Variants in HTR6 observed in about 807,000 individuals in gnomAD.
HTR6 encodes the protein 5-hydroxytryptamine (serotonin) receptor 6, G protein-coupled.
In HTR6, 15 loss-of-function variants were observed where a neutral mutation model predicts 17.4. That is an observed-to-expected ratio of 0.86 (90% CI 0.58 to 1.33). HTR6 has a LOEUF of 1.33. HTR6 is among the 40% of genes most tolerant of loss of function. The pLI is 0.00. For missense variants in HTR6, 578 were observed against 616.0 expected (o/e 0.94, Z 0.65); for synonymous variants, 326 against 295.5 (o/e 1.10, Z -1.06).
rs1465886407 is a variant in HTR6, at chr1:19,680,810, G to T, written c.*1442G>T. 6.6e-6 allele frequency among the ~76,000 whole-genome samples: 1 copy of T among 152,184 alleles called. No homozygotes were observed. The highest frequency in any genetic ancestry group is 1.5e-5 in the Non-Finnish European group (1 of 68,024). Reference sequence around the variant, plus strand: ...CAAGTTCCATCAACACAAACTCCCAGGGGGTCCTCCATGCCTGGCCTGGCC... The same window carrying T: ...CAAGTTCCATCAACACAAACTCCCATGGGGTCCTCCATGCCTGGCCTGGCC... On this transcript the variant is annotated 3_prime_UTR_variant, in exon 3 of 3. Transcript: ENST00000289753.
At position 19,679,702 on chromosome 1, in the gene HTR6, C is replaced by G. The variant is rs1022945300; in HGVS notation, c.*334C>G. 9.9e-6 allele frequency: 3 copies of G among 304,534 alleles called. No individual in the cohort carries two copies. Among genetic ancestry groups the G allele is most frequent in the African/African-American group, 6.5e-5 (3 of 46,436 alleles). 18.9% of individuals were successfully genotyped at this position (304,534 alleles called of 1,614,324 possible). A position where few individuals can be genotyped will look rare whatever the true frequency, so the allele number is the denominator to read the frequency against. ...CAATCATGACCTTTGCCCATTCTGTCAGGCTGGACGGGAGGGAATGCCCCC... is the reference window on the plus strand; with the variant it reads ...CAATCATGACCTTTGCCCATTCTGTGAGGCTGGACGGGAGGGAATGCCCCC... On this transcript the variant is annotated 3_prime_UTR_variant, in exon 3 of 3. Transcript: ENST00000289753. The surrounding 1 kb of genome is among the most constrained non-coding windows in gnomAD (Gnocchi z 4.9).
rs1404210166 is a variant in HTR6 at position 19,666,751 on chromosome 1, T to C, written c.714+284T>C. ...TTTGCCTCCCTGGTCTTCCCCATCA[T>C]GGCAAATGGCACCATTGCGGCATCA... On this transcript the variant is annotated intron_variant, in intron 1 of 2. Transcript: ENST00000289753. The surrounding 1 kb of genome is among the most constrained non-coding windows in gnomAD (Gnocchi z 4.5). Among the ~76,000 whole-genome samples the C allele has an allele frequency of 6.6e-6, 1 of 152,044 alleles. No individual in the cohort carries two copies. The highest frequency in any genetic ancestry group is 1.5e-5 in the Non-Finnish European group (1 of 67,996).
Position 19,679,492 on chromosome 1 carries a change from G to A in HTR6, c.*124G>A. 1 of 1,379,814 alleles carries A rather than the reference G, an allele frequency of 7.2e-7. No individual in the cohort carries two copies. The allele number at this position is 1,379,814 out of a possible 1,614,324, so 85.5% of individuals were successfully genotyped here. A position where few individuals can be genotyped will look rare whatever the true frequency, so the allele number is the denominator to read the frequency against. ...TCCTAGAAGCCCTCTGAGCTCCAGA[G>A]GGGTGCGCAGAGCTGACCCCCTGCT... On this transcript the variant is annotated 3_prime_UTR_variant, in exon 3 of 3. Transcript: ENST00000289753. The surrounding 1 kb of genome is among the most constrained non-coding windows in gnomAD (Gnocchi z 4.9).
intron 1 of HTR6, among the ~76,000 whole-genome samples, chr1:19,670,938 G>GTGTCATGATCC (rs1553119969): frequency 6.6e-6 from 1 of 152,152 alleles, no homozygotes; most frequent in African/African-American, 2.4e-5. Flanking sequence ...CACTTCTTGA[G>GTGTCATGATCC]TGTCATGATC....
Position 19,679,472 on chromosome 1 carries a change from G to A in HTR6, c.*104G>A. 2 of 1,427,848 alleles carry A rather than the reference G, an allele frequency of 1.4e-6. No individual in the cohort carries two copies. The highest frequency in any genetic ancestry group is 1.8e-6 in the Non-Finnish European group (2 of 1,090,148). 88.4% of individuals were successfully genotyped at this position (1,427,848 alleles called of 1,614,324 possible). On this transcript the variant is annotated 3_prime_UTR_variant, in exon 3 of 3. Coordinates refer to ENST00000289753, the MANE Select transcript of HTR6 (RefSeq NM_000871.3). This position sits in a 1 kb window ranked among gnomAD's most constrained non-coding sequence, Gnocchi z 4.9. ...AGACCAGGAGGCTGCAAGTCTCCTAGAAGCCCTCTGAGCTCCAGAGGGGTG... is the reference window on the plus strand; with the variant it reads ...AGACCAGGAGGCTGCAAGTCTCCTAAAAGCCCTCTGAGCTCCAGAGGGGTG...
In HTR6 at chr1:19,665,882, C is replaced by T; in HGVS notation, c.129C>T (p.Ala43=). ...TGGTCATCGCGCTGACGGCGGCGGC[C>T]AACTCGCTGCTGATCGCGCTCATCT... The part of the protein sequence containing the change: ...LCVVIALTAA[A]NSLLIALICT... The change falls in exon 1 of 3, where the codon GCC becomes GCT. Residue 43 remains alanine (A), a synonymous_variant. Transcript: ENST00000289753. The surrounding 1 kb of genome is among the most constrained non-coding windows in gnomAD (Gnocchi z 4.2). The T allele has an allele frequency of 6.2e-7, 1 of 1,608,024 alleles. No homozygotes were observed. Among genetic ancestry groups the T allele is most frequent in the East Asian group, 2.2e-5 (1 of 44,586 alleles).
chr1:19,667,274 G>A (rs1264417948), intron 1 of HTR6, among the ~76,000 whole-genome samples: 1 of 152,016 alleles, frequency 6.6e-6, no homozygotes, highest in East Asian at 1.9e-4. Flanking sequence ...CTATCTGCAG[G>A]CCCATCTGCA....
chr1:19,678,196 T>C (rs2095096688), intron 1 of HTR6, among the ~76,000 whole-genome samples: 1 of 152,210 alleles, frequency 6.6e-6, no homozygotes, highest in Non-Finnish European at 1.5e-5. Flanking sequence ...TCACTGCACT[T>C]CCTAGAGCTC....
chr1:19,671,749 GT>G (rs1256557700), intron 1 of HTR6, among the ~76,000 whole-genome samples: 1 of 152,200 alleles, frequency 6.6e-6, no homozygotes, highest in Non-Finnish European at 1.5e-5. Flanking sequence ...TTCCTCTGGG[GT>G]CAGAACATGG....
chr1:19,679,195 G>GCGGACT lies in HTR6; in HGVS notation c.1151_1152insGGACTC (p.Ala384_Gly385insAspSer), dbSNP rs2095098443. 5.1e-6 allele frequency: 8 copies of GCGGACT among 1,574,776 alleles called. No individual in the cohort carries two copies. Among genetic ancestry groups the GCGGACT allele is most frequent in the Non-Finnish European group, 6.9e-6 (8 of 1,162,998 alleles). On this transcript the variant is annotated inframe_insertion, in exon 3 of 3. Transcript: ENST00000289753. The surrounding 1 kb of genome is among the most constrained non-coding windows in gnomAD (Gnocchi z 4.9). ...GCCGGACTCAGATTCGGACTCAGAC[G>GCGGACT]CAGGCTCAGGCGGCTCCTCGGGCCT...
intron 1 of HTR6, among the ~76,000 whole-genome samples, chr1:19,672,280 C>T (rs1012045589): frequency 6.6e-6 from 1 of 152,068 alleles, no homozygotes; most frequent in Non-Finnish European, 1.5e-5. Context: ...TCTTCCCCTC[C>T]CCCTTCTCCT....
chr1:19,666,188 C>T lies in HTR6; in HGVS notation c.435C>T (p.Ala145=). 1 of 1,610,466 alleles carries T rather than the reference C, an allele frequency of 6.2e-7. No individual in the cohort carries two copies. Among genetic ancestry groups the T allele is most frequent in the Non-Finnish European group, 8.5e-7 (1 of 1,179,838 alleles). The change falls in exon 1 of 3, where the codon GCC becomes GCT. Residue 145 remains alanine (A), a synonymous_variant. Coordinates refer to ENST00000289753, the MANE Select transcript of HTR6 (RefSeq NM_000871.3). This position sits in a 1 kb window ranked among gnomAD's most constrained non-coding sequence, Gnocchi z 4.5. The stretch of plus-strand genomic sequence containing the variant: ...GCATGACGCCCCTGCGTGCCCTGGC[C>T]CTAGTCCTGGGCGCCTGGAGCCTCG... ...KLRMTPLRAL[A]LVLGAWSLAA...
At chr1:19,674,043 T>G (rs1021997235) in intron 1 of HTR6, among the ~76,000 whole-genome samples, 2 of 152,056 alleles carry the variant, frequency 1.3e-5, no homozygotes, top group Non-Finnish European at 2.9e-5. Flanking sequence ...AATTTTTGTA[T>G]TTTTTGTAGA....
intron 1 of HTR6, among the ~76,000 whole-genome samples, chr1:19,678,222 G>A (rs2095096719): frequency 6.6e-6 from 1 of 151,988 alleles, no homozygotes; most frequent in African/African-American, 2.4e-5. Context: ...GAAATTCTGG[G>A]TCAGGGTCAG....
At chr1:19,671,513 C>T (rs1432767517) in intron 1 of HTR6, among the ~76,000 whole-genome samples, 5 of 152,186 alleles carry the variant, frequency 3.3e-5, no homozygotes, top group African/African-American at 9.7e-5. Context: ...TTGCATTGGC[C>T]CTCCTGGGTC....
rs559790614 is a variant in HTR6 at position 19,672,048 on chromosome 1, T to C, written c.714+5581T>C. Among the ~76,000 whole-genome samples the C allele has an allele frequency of 4.0e-5, 6 of 151,870 alleles. No homozygotes were observed. In the South Asian group the frequency reaches 6.3e-4, roughly 16 times the overall value. ...GTGGCACTGAGCCATCCTTGGGAGA[T>C]TGTGGAGGGTCCAGGGTGTTAGGGG... On this transcript the variant is annotated intron_variant, in intron 1 of 2. Transcript: ENST00000289753.
rs141590394 is a variant in HTR6 at position 19,680,357 on chromosome 1, G to T, written c.*989G>T. On this transcript the variant is annotated 3_prime_UTR_variant, in exon 3 of 3. Transcript: ENST00000289753. ...CCTAGCCTCCCAAAGCCTGACTCTGGTTCCCCAACTCCCTGTTCTGGCTCC... is the reference window on the plus strand; with the variant it reads ...CCTAGCCTCCCAAAGCCTGACTCTGTTTCCCCAACTCCCTGTTCTGGCTCC... Among the ~76,000 whole-genome samples, 2 of 152,102 alleles carry T rather than the reference G, an allele frequency of 1.3e-5. No homozygotes were observed. The highest frequency in any genetic ancestry group is 2.9e-5 in the Non-Finnish European group (2 of 68,020).
At chr1:19,673,454 A>G (rs1183456807) in intron 1 of HTR6, among the ~76,000 whole-genome samples, 1 of 152,224 alleles carries the variant, frequency 6.6e-6, no homozygotes, top group Non-Finnish European at 1.5e-5. Flanking sequence ...CACGCCTGTA[A>G]TCCCAGCACT....
At chr1:19,676,633 G>A (rs1570586301) in intron 1 of HTR6, among the ~76,000 whole-genome samples, 1 of 152,162 alleles carries the variant, frequency 6.6e-6, no homozygotes, top group Non-Finnish European at 1.5e-5. Context: ...GAAAGAGCCG[G>A]GGCTGGAGGA....
Sources: gnomAD v4.1 joint callset for allele counts (sites outside exome capture counted in the v4.1 genomes callset) on GRCh38, gnomAD v4.1.1 for gene constraint, Gnocchi (gnomAD v3.1) non-coding constraint, MANE v1.5 for transcripts, NCBI Gene and HGNC (gene_info 2026-07-23, HGNC 2026-07-21) for gene names.